CNTNAP2: variants seen among roughly 807,000 people sequenced by gnomAD.
The protein encoded by CNTNAP2 is contactin-associated protein-like 2.
In CNTNAP2, 98 loss-of-function variants were observed where a neutral mutation model predicts 155.2. The observed-to-expected ratio is 0.63, with a 90% CI of 0.54 to 0.75. The LOEUF (loss-of-function observed/expected upper bound fraction) is 0.75. Among genes scored for constraint, CNTNAP2 ranks in the 30% least tolerant of loss-of-function variants. The pLI is 0.00. For synonymous variants in CNTNAP2, 651 were observed against 631.2 expected, an observed-to-expected ratio of 1.03 and a Z score of -0.47; for missense variants, 1,727 against 1,688.1, an observed-to-expected ratio of 1.02 and a Z score of -0.40.
intron 1 of CNTNAP2, among the ~76,000 whole-genome samples, chr7:146,150,166 A>G (rs1458033700): frequency 6.6e-6 from 1 of 152,106 alleles, no homozygotes; most frequent in African/African-American, 2.4e-5. Flanking sequence ...TAATGTAATA[A>G]GTTATTAGCT....
In CNTNAP2 at chr7:148,147,365, C is replaced by CCTTT; in HGVS notation, c.2555-125_2555-122dup. The stretch of plus-strand genomic sequence containing the variant: ...CTTCTTCCATTGATTTTGCCATCGA[C>CCTTT]CTTTGTAGGACGTGACAGGCTTAGA... On this transcript the variant is annotated intron_variant, in intron 16 of 23. Coordinates refer to ENST00000361727, the MANE Select transcript of CNTNAP2 (RefSeq NM_014141.6). The CCTTT allele has an allele frequency of 1.4e-5, 13 of 921,710 alleles. No homozygotes were observed. In the South Asian group the frequency reaches 1.7e-4, roughly 12 times the overall value. 57.1% of individuals were successfully genotyped at this position (921,710 alleles called of 1,614,324 possible).
intron 1 of CNTNAP2, among the ~76,000 whole-genome samples, chr7:146,389,478 C>A (rs931677519): frequency 3.3e-5 from 5 of 151,342 alleles, no homozygotes; most frequent in Non-Finnish European, 7.4e-5. Context: ...TTTTGTTATT[C>A]TTTCTGGAAA....
intron 1 of CNTNAP2, among the ~76,000 whole-genome samples, chr7:146,150,529 A>T (rs1311153055): frequency 6.6e-6 from 1 of 152,032 alleles, no homozygotes; most frequent in Non-Finnish European, 1.5e-5. Flanking sequence ...CAGATTTTTT[A>T]TATTAATTTT....
chr7:147,004,217 A>C (rs1798482402), intron 3 of CNTNAP2, among the ~76,000 whole-genome samples: 2 of 150,510 alleles, frequency 1.3e-5, no homozygotes, highest in Admixed American at 6.6e-5. Context: ...TATACCAAAA[A>C]AAAAAAAAAA....
At chr7:147,715,801 T>C (rs1796474751) in intron 13 of CNTNAP2, among the ~76,000 whole-genome samples, 1 of 152,182 alleles carries the variant, frequency 6.6e-6, no homozygotes, top group Non-Finnish European at 1.5e-5. Flanking sequence ...CTCCTATTTC[T>C]TTTTCTAGAC....
At chr7:146,838,356 C>A (rs976126400) in intron 2 of CNTNAP2, among the ~76,000 whole-genome samples, 3 of 152,142 alleles carry the variant, frequency 2.0e-5, no homozygotes, top group African/African-American at 7.2e-5. Context: ...CCCACTCTGT[C>A]ACTCAAACTG....
chr7:146,950,634 T>C (rs1797291100), intron 3 of CNTNAP2, among the ~76,000 whole-genome samples: 1 of 152,242 alleles, frequency 6.6e-6, no homozygotes, highest in Admixed American at 6.5e-5. Context: ...CATTCTTTTC[T>C]ATGGCTGCAT....
chr7:147,835,081 T>A (rs1167778079), intron 13 of CNTNAP2, among the ~76,000 whole-genome samples: 1 of 152,170 alleles, frequency 6.6e-6, no homozygotes, highest in Non-Finnish European at 1.5e-5. Context: ...TACCAAAGTA[T>A]CATTGTTTCA....
intron 5 of CNTNAP2, among the ~76,000 whole-genome samples, chr7:147,109,169 C>T (rs1252036606): frequency 2.7e-5 from 4 of 150,414 alleles, no homozygotes; most frequent in African/African-American, 7.3e-5. Context: ...ATATGAGAGT[C>T]GCAGCAGAAC....
At chr7:147,911,250 G>T (rs1341661047) in intron 14 of CNTNAP2, among the ~76,000 whole-genome samples, 3 of 152,314 alleles carry the variant, frequency 2.0e-5, no homozygotes, top group East Asian at 3.9e-4. Flanking sequence ...AGTGAATGGG[G>T]TCAGCTTTCC....
intron 13 of CNTNAP2, among the ~76,000 whole-genome samples, chr7:147,878,992 A>T (rs1217400059): frequency 6.6e-6 from 1 of 152,134 alleles, no homozygotes; most frequent in Non-Finnish European, 1.5e-5. Context: ...AATGACACAC[A>T]CTTCTGTTGG....
rs549588572 is a variant in CNTNAP2, at chr7:146,619,671, C to T, written c.98-154600C>T. On this transcript the variant is annotated intron_variant, in intron 1 of 23. Coordinates refer to ENST00000361727, the MANE Select transcript of CNTNAP2 (RefSeq NM_014141.6). Reference sequence around the variant, plus strand: ...TCAGTTTTAGACTTCTGACCTCAAGCGTGTGAAACAAGTGGGTATGTAAGG... The same window carrying T: ...TCAGTTTTAGACTTCTGACCTCAAGTGTGTGAAACAAGTGGGTATGTAAGG... Among the ~76,000 whole-genome samples, 24 of 152,234 alleles carry T rather than the reference C, an allele frequency of 1.6e-4. No homozygotes were observed. The South Asian group carries it at 5.0e-3, about 32-fold the overall frequency.
In CNTNAP2 at chr7:147,216,130, G is replaced by GTTTT. The variant is rs151102034; in HGVS notation, c.1348+83628_1348+83631dup. ...TTGCAAGTATTAGTTCCCAGTCTGT[G>GTTTT]TTTTTTTTTTCATCTTCTTTATAGT... On this transcript the variant is annotated intron_variant, in intron 8 of 23. Coordinates refer to ENST00000361727, the MANE Select transcript of CNTNAP2 (RefSeq NM_014141.6). Among the ~76,000 whole-genome samples the GTTTT allele has an allele frequency of 2.4e-3, 346 of 146,906 alleles. 1 individual carries two copies. Among genetic ancestry groups the GTTTT allele is most frequent in the African/African-American group, 8.0e-3 (323 of 40,166 alleles).
chr7:147,395,971 A>G (rs1796806503), intron 10 of CNTNAP2, among the ~76,000 whole-genome samples, 191 bp downstream of exon 10: 2 of 150,110 alleles, frequency 1.3e-5, no homozygotes, highest in South Asian at 2.1e-4. Context: ...TTATGTGGAT[A>G]TATATATCAT....
intron 3 of CNTNAP2, among the ~76,000 whole-genome samples, chr7:146,850,862 T>A (rs1336657007): frequency 6.6e-6 from 1 of 152,228 alleles, no homozygotes; most frequent in South Asian, 2.1e-4. Flanking sequence ...CTAACCAGCC[T>A]GTGTTCCTTG....
At chr7:146,357,224 C>T (rs1271677805) in intron 1 of CNTNAP2, among the ~76,000 whole-genome samples, 1 of 112,724 alleles carries the variant, frequency 8.9e-6, no homozygotes, top group Non-Finnish European at 1.7e-5. Context: ...TGACAACATA[C>T]AGTGCTCCAA....
intron 8 of CNTNAP2, among the ~76,000 whole-genome samples, chr7:147,162,912 C>T (rs998351117): frequency 6.6e-5 from 10 of 152,124 alleles, no homozygotes; most frequent in African/African-American, 7.2e-5. Context: ...TGGGTTTTCA[C>T]GTCGGCTGGG....
chr7:147,003,476 A>C (rs1798466678), intron 3 of CNTNAP2, among the ~76,000 whole-genome samples: 1 of 152,044 alleles, frequency 6.6e-6, no homozygotes, highest in African/African-American at 2.4e-5. Context: ...TATTAAACCA[A>C]AAAAGGCAGG....
At chr7:146,517,945 A>G (rs1381522109) in intron 1 of CNTNAP2, among the ~76,000 whole-genome samples, 1 of 151,950 alleles carries the variant, frequency 6.6e-6, no homozygotes, top group Admixed American at 6.6e-5. Context: ...TAAGCAATCA[A>G]GTGTATTCTG....
Sources: gnomAD v4.1 joint callset for allele counts (sites outside exome capture counted in the v4.1 genomes callset) on GRCh38, gnomAD v4.1.1 for gene constraint, MANE v1.5 for transcripts, NCBI Gene and HGNC (gene_info 2026-07-23, HGNC 2026-07-21) for gene names.